Variants in CBLIF observed in about 807,000 individuals in gnomAD.
CBLIF encodes gastric intrinsic factor (vitamin B synthesis).
In CBLIF, 24 loss-of-function variants were observed where a neutral mutation model predicts 44.9. The ratio of observed to expected loss-of-function variants is 0.53; its 90% CI spans 0.39 to 0.75. The LOEUF (loss-of-function observed/expected upper bound fraction) is 0.75, where lower values mean the gene tolerates loss of function less well. CBLIF is among the 30% of genes least tolerant of loss of function. The pLI is 0.00. For synonymous variants in CBLIF, 183 were observed against 190.9 expected (o/e 0.96, Z 0.34); for missense variants, 481 against 513.0 (o/e 0.94, Z 0.60).
chr11:59,841,369 G>A, intron 4 of CBLIF, 45 bp from the exon 5 acceptor site: 1 of 1,313,496 alleles, frequency 7.6e-7, no homozygotes, highest in Non-Finnish European at 1.1e-6. Flanking sequence ...CACCATCACA[G>A]CAATATGAAC....
In CBLIF at chr11:59,841,211, T is replaced by C; in HGVS notation, c.625A>G (p.Lys209Glu). The C allele has an allele frequency of 6.2e-7, 1 of 1,613,496 alleles. No homozygotes were observed. The highest frequency in any genetic ancestry group is 8.5e-7 in the Non-Finnish European group (1 of 1,179,392). Residue 209 changes from lysine to glutamate, a missense_variant, in exon 5 of 9, where the codon AAA becomes GAA. Physicochemically the swap from Lys to Glu is moderately conservative, Grantham distance 56. Transcript: ENST00000257248. ...TTATCTTTGATCTTCATGCTGATTTTCTCCACAATATCCTTTAGTACCTGA... is the reference window on the plus strand; with the variant it reads ...TTATCTTTGATCTTCATGCTGATTTCCTCCACAATATCCTTTAGTACCTGA... ...FGQVLKDIVE[K>E]ISMKIKDNGI... is the part of the protein sequence containing the mutation.
At chr11:59,842,673 A>G in intron 3 of CBLIF, 90 bp from the exon 4 acceptor site, 1 of 1,340,304 alleles carries the variant, frequency 7.5e-7, no homozygotes. Flanking sequence ...TTTGAAAAGG[A>G]AATTGCTAGA....
intron 6 of CBLIF, 52 bp downstream of exon 6, chr11:59,837,122 A>G: frequency 7.3e-7 from 1 of 1,369,512 alleles, no homozygotes; most frequent in Non-Finnish European, 1.0e-6. Context: ...TCCACATGTC[A>G]TTTCTGGCAT....
intron 8 of CBLIF, among the ~76,000 whole-genome samples, chr11:59,830,909 C>G (rs1866364453): frequency 6.6e-6 from 1 of 152,156 alleles, no homozygotes; most frequent in Admixed American, 6.5e-5. Context: ...TTCTGACTGG[C>G]AAGATTTTGC....
intron 8 of CBLIF, among the ~76,000 whole-genome samples, chr11:59,831,262 T>A (rs114858680): frequency 0.012 from 1,761 of 152,286 alleles, 28 homozygotes; most frequent in African/African-American, 0.04. Context: ...TCTCTGGAGA[T>A]TTTTTTAAGA....
chr11:59,842,653 A>G, intron 3 of CBLIF, 70 bp from the exon 4 acceptor site: 2 of 1,515,378 alleles, frequency 1.3e-6, no homozygotes, highest in Non-Finnish European at 1.8e-6. Flanking sequence ...AAAGAAGGAA[A>G]AGCCAAGCCT....
At chr11:59,831,656 C>T (rs1418919252) in intron 8 of CBLIF, 22 bp downstream of exon 8, 5 of 987,790 alleles carry the variant, frequency 5.1e-6, no homozygotes, top group Non-Finnish European at 8.2e-6. Context: ...GAAGATAACG[C>T]CTATGTCTTT....
intron 5 of CBLIF, among the ~76,000 whole-genome samples, chr11:59,839,887 C>T (rs750727188): frequency 7.1e-6 from 1 of 141,528 alleles, no homozygotes; most frequent in Non-Finnish European, 1.5e-5. Context: ...TTTAGAGAGT[C>T]ACACATAAAA....
At chr11:59,841,467 A>G (rs977766435) in intron 4 of CBLIF, 143 bp from the exon 5 acceptor site, 3 of 702,522 alleles carry the variant, frequency 4.3e-6, no homozygotes, top group Non-Finnish European at 5.2e-6. Flanking sequence ...ACCTGTAATC[A>G]TCTCCATTTA....
Position 59,829,438 on chromosome 11 carries a change from A to T in CBLIF, c.*46T>A. 1 of 1,219,972 alleles carries T rather than the reference A, an allele frequency of 8.2e-7. No individual in the cohort carries two copies. Among genetic ancestry groups the T allele is most frequent in the Non-Finnish European group, 1.2e-6 (1 of 819,804 alleles). The allele number at this position is 1,219,972 out of a possible 1,614,324, so 75.6% of individuals were successfully genotyped here. A position where few individuals can be genotyped will look rare whatever the true frequency, so the allele number is the denominator to read the frequency against. On this transcript the variant is annotated 3_prime_UTR_variant, in exon 9 of 9. Transcript: ENST00000257248. ...TTTAAAATGAAGTGGAAAAAATTTC[A>T]CCCATCCTTTGGAGATGTTTGATAG... is the stretch of plus-strand genomic sequence containing the variant.
chr11:59,836,096 A>G (rs893717307), intron 6 of CBLIF, 87 bp from the exon 7 acceptor site: 9 of 1,000,272 alleles, frequency 9.0e-6, no homozygotes, highest in Admixed American at 3.4e-5. Flanking sequence ...AACTTACCCC[A>G]GAAGACATTT....
chr11:59,835,234 C>T (rs1866437610), intron 7 of CBLIF, among the ~76,000 whole-genome samples: 1 of 151,446 alleles, frequency 6.6e-6, no homozygotes, highest in South Asian at 2.1e-4. Context: ...CAACCTCCGT[C>T]TCCCAGGTTC....
At position 59,842,498 on chromosome 11, in the gene CBLIF, C is replaced by T. The variant is rs144697313; in HGVS notation, c.456G>A (p.Pro152=). The T allele has an allele frequency of 1.1e-5, 17 of 1,613,768 alleles. No homozygotes were observed. The highest frequency in any genetic ancestry group is 1.7e-4 in the Middle Eastern group (1 of 5,860). ...LCQKNSEATL[P]IAVRFAKTLL... ...GGGTCTTGGCAAAGCGGACGGCTAT[C>T]GGCAAGGTCGCCTCAGAGTTCTTCT... Residue 152 remains proline, a synonymous_variant, in exon 4 of 9, where the codon CCG becomes CCA. Coordinates refer to ENST00000257248, the MANE Select transcript of CBLIF (RefSeq NM_005142.3).
chr11:59,835,348 T>TTGGTGAAACTCCTGAGCTAAGACA (rs1866438899), intron 7 of CBLIF, among the ~76,000 whole-genome samples: 1 of 151,980 alleles, frequency 6.6e-6, no homozygotes, highest in African/African-American at 2.4e-5. Flanking sequence ...TTTCACCATG[T>TTGGTGAAACTCCTGAGCTAAGACA]TGGTGAAACT....
At chr11:59,835,765 A>G (rs1168102228) in intron 7 of CBLIF, 43 bp downstream of exon 7, 5 of 1,442,798 alleles carry the variant, frequency 3.5e-6, no homozygotes, top group Middle Eastern at 3.5e-4. Context: ...GGGAATTCAG[A>G]TCAGGCCTTG....
Position 59,831,742 on chromosome 11 carries a change from G to A in CBLIF, c.1128C>T (p.Ile376=), listed in dbSNP as rs377061367. The A allele has an allele frequency of 3.0e-5, 49 of 1,608,764 alleles. No homozygotes were observed. The highest frequency in any genetic ancestry group is 1.9e-4 in the African/African-American group (14 of 74,844). ...WGLVVSSINN[I]AENVNHKTYW... is the part of the protein sequence containing the mutation. ...ATGTCTTGTGATTAACATTTTCCGC[G>A]ATATTGTTGATAGAAGAGACGACAA... The change falls in exon 8 of 9, where the codon ATC becomes ATT. Residue 376 remains isoleucine (I), a synonymous_variant. Coordinates refer to ENST00000257248, the MANE Select transcript of CBLIF (RefSeq NM_005142.3).
chr11:59,839,893 T>TAAA (rs112520963), intron 5 of CBLIF, among the ~76,000 whole-genome samples: 14 of 146,470 alleles, frequency 9.6e-5, no homozygotes, highest in African/African-American at 2.7e-4. Context: ...GAGTCACACA[T>TAAA]AAAAAAAAAA....
intron 5 of CBLIF, chr11:59,840,924 T>C (rs1235834667): frequency 1.9e-6 from 1 of 532,708 alleles, no homozygotes; most frequent in Non-Finnish European, 3.4e-6. Flanking sequence ...AACAAGTTCA[T>C]ATAGATTTGT....
chr11:59,840,705 G>T (rs1398068050), intron 5 of CBLIF, among the ~76,000 whole-genome samples: 2 of 151,996 alleles, frequency 1.3e-5, no homozygotes, highest in Non-Finnish European at 2.9e-5. Flanking sequence ...GCTATTTTTA[G>T]ATCAAGGTAA....
Sources: gnomAD v4.1 joint callset for allele counts (sites outside exome capture counted in the v4.1 genomes callset) on GRCh38, gnomAD v4.1.1 for gene constraint, MANE v1.5 for transcripts, NCBI Gene and HGNC (gene_info 2026-07-23, HGNC 2026-07-21) for gene names.